Variants in PLCZ1 observed in about 807,000 individuals in gnomAD.
The protein encoded by PLCZ1 is phospholipase C zeta 1, also known as 1-phosphatidylinositol 4,5-bisphosphate phosphodiesterase zeta-1.
In PLCZ1, 64 loss-of-function variants were observed where a neutral mutation model predicts 76.8. The observed-to-expected ratio is 0.83, with a 90% CI of 0.68 to 1.03. The LOEUF is 1.03. Among genes scored for constraint, PLCZ1 ranks in the 50% least tolerant of loss-of-function variants. PLCZ1 has a pLI of 0.00. For synonymous variants in PLCZ1, 248 were observed against 230.8 expected, an observed-to-expected ratio of 1.07 and a Z score of -0.68; for missense variants, 751 against 713.7, an observed-to-expected ratio of 1.05 and a Z score of -0.60.
chr12:18,711,089 G>T (rs138903897), intron 6 of PLCZ1, among the ~76,000 whole-genome samples: 2,369 of 152,124 alleles, frequency 0.016, 58 homozygotes, highest in African/African-American at 0.054. Context: ...GCACATATAT[G>T]TTTATTGCGG....
the PLCZ1 span, among the ~76,000 whole-genome samples, chr12:18,673,858 A>G: frequency 6.6e-6 from 1 of 152,182 alleles, no homozygotes; most frequent in South Asian, 2.1e-4. Context: ...AGCTGCCCTG[A>G]GCTCTTTGCC....
the PLCZ1 span, among the ~76,000 whole-genome samples, chr12:18,651,243 G>C: frequency 2.0e-5 from 3 of 151,962 alleles, no homozygotes; most frequent in Admixed American, 6.6e-5. Flanking sequence ...TTTGTGCCCT[G>C]TATCCATTTG....
chr12:18,691,183 G>C (rs530337155), intron 12 of PLCZ1, among the ~76,000 whole-genome samples: 6 of 152,264 alleles, frequency 3.9e-5, no homozygotes, highest in African/African-American at 1.4e-4. Flanking sequence ...TGTGGGATGT[G>C]AAGGAGATGT....
the PLCZ1 span, among the ~76,000 whole-genome samples, chr12:18,674,777 A>T: frequency 6.6e-6 from 1 of 152,142 alleles, no homozygotes; most frequent in Non-Finnish European, 1.5e-5. Flanking sequence ...TTCTGTAATG[A>T]GTTGAAAGTG....
At chr12:18,655,130 G>C in the PLCZ1 span, among the ~76,000 whole-genome samples, 1 of 152,100 alleles carries the variant, frequency 6.6e-6, no homozygotes, top group Admixed American at 6.6e-5. Flanking sequence ...TTAAAGACTT[G>C]TGAAATTTAA....
At chr12:18,656,898 G>T in the PLCZ1 span, among the ~76,000 whole-genome samples, 21 of 152,270 alleles carry the variant, frequency 1.4e-4, no homozygotes, top group African/African-American at 4.8e-4. Flanking sequence ...GAGAGATGTG[G>T]TGTTAAAGTT....
the PLCZ1 span, among the ~76,000 whole-genome samples, chr12:18,652,943 GAGAGAA>G: frequency 6.6e-6 from 1 of 151,536 alleles, no homozygotes; most frequent in African/African-American, 2.4e-5. Flanking sequence ...CAGAGAGAGA[GAGAGAA>G]AGAGAGAGAC....
At chr12:18,728,895 C>A (rs1029428929) in intron 3 of PLCZ1, among the ~76,000 whole-genome samples, 1 of 151,920 alleles carries the variant, frequency 6.6e-6, no homozygotes, top group Non-Finnish European at 1.5e-5. Context: ...GGAGGACCAA[C>A]TAAAGTAAGA....
At chr12:18,690,943 C>T (rs1260836069) in intron 12 of PLCZ1, among the ~76,000 whole-genome samples, 1 of 152,080 alleles carries the variant, frequency 6.6e-6, no homozygotes, top group Non-Finnish European at 1.5e-5. Flanking sequence ...ATAAATATTA[C>T]GTATGCATGA....
the PLCZ1 span, among the ~76,000 whole-genome samples, chr12:18,649,120 C>T: frequency 0.17 from 25,519 of 152,000 alleles, 2,661 homozygotes; most frequent in African/African-American, 0.29. Context: ...TATTACTCTC[C>T]CTTTCTGCTA....
chr12:18,650,564 T>C, the PLCZ1 span, among the ~76,000 whole-genome samples: 1 of 149,850 alleles, frequency 6.7e-6, no homozygotes, highest in South Asian at 2.1e-4. Flanking sequence ...TGAAAGTCTA[T>C]ACATTTATTT....
intron 6 of PLCZ1, among the ~76,000 whole-genome samples, chr12:18,709,036 A>AT: frequency 6.6e-6 from 1 of 151,974 alleles, no homozygotes; most frequent in Admixed American, 6.6e-5. Flanking sequence ...CCAGTTATTT[A>AT]TTTTTGCTTT....
At chr12:18,710,043 CAG>C (rs1361461897) in intron 6 of PLCZ1, among the ~76,000 whole-genome samples, 5 of 151,656 alleles carry the variant, frequency 3.3e-5, no homozygotes, top group African/African-American at 1.2e-4. Context: ...TGAGTTCTAA[CAG>C]GGTTTTTTGT....
chr12:18,677,854 C>T, the PLCZ1 span, among the ~76,000 whole-genome samples: 1 of 151,928 alleles, frequency 6.6e-6, no homozygotes, highest in Admixed American at 6.6e-5. Context: ...TAAAATTGTA[C>T]TTTAATAATT....
chr12:18,728,603 T>A (rs1479436437), intron 3 of PLCZ1, among the ~76,000 whole-genome samples: 1 of 151,922 alleles, frequency 6.6e-6, no homozygotes, highest in Non-Finnish European at 1.5e-5. Context: ...AAGAGAAAAT[T>A]GGGAGAGAAT....
chr12:18,653,294 A>C, the PLCZ1 span, among the ~76,000 whole-genome samples: 1 of 152,302 alleles, frequency 6.6e-6, no homozygotes, highest in South Asian at 2.1e-4. Context: ...ATTTGATATT[A>C]CATAGGAAAA....
At chr12:18,714,710 GAT>G (rs1957742753) in intron 5 of PLCZ1, 1 of 152,140 alleles carries the variant, frequency 6.6e-6, no homozygotes, top group Non-Finnish European at 1.5e-5. Flanking sequence ...TCACAGGAGG[GAT>G]TTGGCAATGT....
At chr12:18,667,535 A>G in the PLCZ1 span, among the ~76,000 whole-genome samples, 1 of 152,126 alleles carries the variant, frequency 6.6e-6, no homozygotes, top group Admixed American at 6.6e-5. Context: ...TTTTTAAAAC[A>G]TATTTAAGAC....
chr12:18,701,664 A>T, intron 8 of PLCZ1, 28 bp downstream of exon 8: 1 of 1,600,624 alleles, frequency 6.2e-7, no homozygotes, highest in South Asian at 1.1e-5. Flanking sequence ...TCCATCTGCC[A>T]CTTCTTCTTC....
Sources: allele counts gnomAD v4.1 joint callset (sites outside exome capture counted in the v4.1 genomes callset), GRCh38; gene constraint gnomAD v4.1.1; transcripts MANE v1.5; gene names NCBI Gene and HGNC (gene_info 2026-07-23, HGNC 2026-07-21).